The following SEPTIN3 variants were observed in gnomAD, a reference collection of about 807,000 sequenced individuals.
The protein encoded by SEPTIN3 is septin 3, also known as neuronal-specific septin-3.
A neutral mutation model predicts 45.1 loss-of-function variants in SEPTIN3; 15 were observed. The observed-to-expected ratio is 0.33, with a 90% CI of 0.22 to 0.51. The LOEUF (loss-of-function observed/expected upper bound fraction) is 0.51. Among genes scored for constraint, SEPTIN3 ranks in the 20% least tolerant of loss-of-function variants. The probability of loss-of-function intolerance (pLI) is 0.97; values close to 1 mark genes in which losing one functional copy is unlikely to be tolerated. For synonymous variants in SEPTIN3, 148 were observed against 164.8 expected (o/e 0.90, Z 0.78); for missense variants, 289 against 457.2 (o/e 0.63, Z 3.35).
At position 41,992,833 on chromosome 22, in the gene SEPTIN3, A is replaced by G. The variant is rs1211137364; in HGVS notation, c.2359+70A>G. 17 of 1,067,166 alleles carry G rather than the reference A, an allele frequency of 1.6e-5. 1 individual carries two copies. The highest frequency in any genetic ancestry group is 2.4e-5 in the Non-Finnish European group (17 of 701,860). The allele number at this position is 1,067,166 out of a possible 1,614,324, so 66.1% of individuals were successfully genotyped here. On this transcript the variant is annotated intron_variant, in intron 9 of 11. Transcript: ENST00000644076. ...TCCAGTCACCATTTATTAAGCATCTATAGGTCAAGGCACTGTCTCAGGACA... is the reference window on the plus strand; with the variant it reads ...TCCAGTCACCATTTATTAAGCATCTGTAGGTCAAGGCACTGTCTCAGGACA...
chr22:41,974,389 G>T (rs1453636395), intron 2 of SEPTIN3, among the ~76,000 whole-genome samples: 1 of 152,004 alleles, frequency 6.6e-6, no homozygotes, highest in African/African-American at 2.4e-5. Context: ...GCCAGGCCAG[G>T]CGTGGTGGCT....
intron 1 of SEPTIN3, among the ~76,000 whole-genome samples, chr22:41,970,536 G>A (rs1048244513): frequency 6.6e-6 from 1 of 152,094 alleles, no homozygotes; most frequent in Non-Finnish European, 1.5e-5. Context: ...ATCGGAATGG[G>A]TCACATTCCC....
Position 41,976,856 on chromosome 22 carries a change from G to T in SEPTIN3, c.1504+3860G>T, listed in dbSNP as rs2078031978. ...GGACAGGGGCGGCGCGGCGCCGAGCGAGCCGAGGCGAGGTCCCGGGGAGGG... is the reference window on the plus strand; with the variant it reads ...GGACAGGGGCGGCGCGGCGCCGAGCTAGCCGAGGCGAGGTCCCGGGGAGGG... On this transcript the variant is annotated intron_variant, in intron 2 of 11. Transcript: ENST00000644076. This position sits in a 1 kb window ranked among gnomAD's most constrained non-coding sequence, Gnocchi z 5.8. The T allele has an allele frequency of 6.4e-6, 1 of 155,516 alleles. No homozygotes were observed. Among genetic ancestry groups the T allele is most frequent in the Admixed American group, 6.8e-5 (1 of 14,736 alleles). 9.6% of individuals were successfully genotyped at this position (155,516 alleles called of 1,614,324 possible).
chr22:41,976,309 C>T lies in SEPTIN3; in HGVS notation c.1504+3313C>T, dbSNP rs1569436211. ...ACCTTCGAGGGGAGGGATGGTTGTC[C>T]TCACCCCTGTGAGGCAATATGCTGT... On this transcript the variant is annotated intron_variant, in intron 2 of 11. Coordinates refer to ENST00000644076, the MANE Select transcript of SEPTIN3 (RefSeq NM_001363845.2). The surrounding 1 kb of genome is among the most constrained non-coding windows in gnomAD (Gnocchi z 5.8). 1 of 152,166 alleles carries T rather than the reference C, an allele frequency of 6.6e-6. No individual in the cohort carries two copies. The highest frequency in any genetic ancestry group is 1.5e-5 in the Non-Finnish European group (1 of 68,064). 9.4% of individuals were successfully genotyped at this position (152,166 alleles called of 1,614,324 possible). A position where few individuals can be genotyped will look rare whatever the true frequency, so the allele number is the denominator to read the frequency against.
At chr22:41,992,366 C>T (rs544467185) in intron 8 of SEPTIN3, among the ~76,000 whole-genome samples, 9 of 152,230 alleles carry the variant, frequency 5.9e-5, no homozygotes, top group South Asian at 2.1e-4. Flanking sequence ...GCAACAAGAG[C>T]GAACTCTGTC....
chr22:41,989,963 A>G (rs6519301), intron 7 of SEPTIN3, among the ~76,000 whole-genome samples: 64,923 of 151,934 alleles, frequency 0.43, 15,021 homozygotes, highest in East Asian at 0.85. Context: ...TGTGTACATA[A>G]GAAATCACTC....
chr22:41,973,040 G>T, intron 2 of SEPTIN3, 44 bp downstream of exon 2: 1 of 398,626 alleles, frequency 2.5e-6, no homozygotes. Flanking sequence ...GCTGCCGGGA[G>T]GGGGAGGTGT....
chr22:41,990,824 G>A (rs531126978), intron 7 of SEPTIN3, among the ~76,000 whole-genome samples: 1 of 151,738 alleles, frequency 6.6e-6, no homozygotes, highest in African/African-American at 2.4e-5. Context: ...AGCACTTTGG[G>A]AGGCCAAGGC....
intron 6 of SEPTIN3, 130 bp downstream of exon 6, chr22:41,987,889 T>C (rs2078236111): frequency 7.7e-6 from 7 of 908,254 alleles, no homozygotes; most frequent in Non-Finnish European, 1.1e-5. Flanking sequence ...TCCAGCCAGA[T>C]GGGTTGGTAC....
intron 8 of SEPTIN3, 99 bp downstream of exon 8, chr22:41,991,767 C>T (rs1052105535): frequency 6.9e-6 from 6 of 867,938 alleles, no homozygotes; most frequent in African/African-American, 1.6e-5. Flanking sequence ...TTTCTGTACT[C>T]CCCCCAACCT....
intron 9 of SEPTIN3, among the ~76,000 whole-genome samples, chr22:41,993,484 T>C (rs2078358877): frequency 6.6e-6 from 1 of 152,062 alleles, no homozygotes; most frequent in Non-Finnish European, 1.5e-5. Context: ...ACCCCGATTT[T>C]TGTATTTTTT....
At chr22:41,992,575 A>G in intron 8 of SEPTIN3, 89 bp from the exon 9 acceptor site, 1 of 763,582 alleles carries the variant, frequency 1.3e-6, no homozygotes, top group Non-Finnish European at 2.2e-6. Context: ...TCAAGGCTAG[A>G]GGACCATATG....
Position 41,981,703 on chromosome 22 carries a change from T to C in SEPTIN3, c.1563T>C (p.Pro521=). Residue 521 remains proline, a synonymous_variant, in exon 3 of 12, where the codon CCT becomes CCC. Coordinates refer to ENST00000644076, the MANE Select transcript of SEPTIN3 (RefSeq NM_001363845.2). ...AMSELVPEPR[P]KPAVPMKPMS... ...CAGAGCTGGTGCCTGAGCCCAGGCCTAAGCCAGCGGTGCCCATGAAGCCCA... is the reference window on the plus strand; with the variant it reads ...CAGAGCTGGTGCCTGAGCCCAGGCCCAAGCCAGCGGTGCCCATGAAGCCCA... The C allele has an allele frequency of 6.2e-7, 1 of 1,614,012 alleles. No homozygotes were observed. Among genetic ancestry groups the C allele is most frequent in the South Asian group, 1.1e-5 (1 of 91,064 alleles).
rs780575909 is a variant in SEPTIN3 at position 41,992,760 on chromosome 22, G to A, written c.2356G>A (p.Glu786Lys). 2 of 1,601,452 alleles carry A rather than the reference G, an allele frequency of 1.2e-6. No individual in the cohort carries two copies. The highest frequency in any genetic ancestry group is 1.3e-5 in the African/African-American group (1 of 74,726). The change falls in exon 9 of 12, where the codon GAA (glutamate) becomes AAA (lysine). Residue 786 changes from glutamate (E) to lysine (K), a missense_variant. By Grantham distance (56) the Glu-to-Lys change is moderately conservative (BLOSUM62 1). Around this residue, in one of 3 missense-constraint regions of SEPTIN3, gnomAD observed 84 missense variants for 114.7 expected, o/e 0.73. Coordinates refer to ENST00000644076, the MANE Select transcript of SEPTIN3 (RefSeq NM_001363845.2). ...LGRKTPWGII[E>K]VENLNHCEFA... is the part of the protein sequence containing the mutation. ...CCGAAAAACTCCATGGGGGATCATCGAAGGTAATTCACTGCATCTTCTGGA... is the reference window on the plus strand; with the variant it reads ...CCGAAAAACTCCATGGGGGATCATCAAAGGTAATTCACTGCATCTTCTGGA...
Position 41,976,990 on chromosome 22 carries a change from A to C in SEPTIN3, c.1504+3994A>C. On this transcript the variant is annotated intron_variant, in intron 2 of 11. Transcript: ENST00000644076. This position sits in a 1 kb window ranked among gnomAD's most constrained non-coding sequence, Gnocchi z 5.8. The stretch of plus-strand genomic sequence containing the variant: ...TTGCAGGGGCCGCTCGGCCCGGGGA[A>C]GCCCGCGCCCCGCTCAGCCTTGCAG... 6.6e-7 allele frequency: 1 copy of C among 1,508,112 alleles called. No individual in the cohort carries two copies. Among genetic ancestry groups the C allele is most frequent in the Non-Finnish European group, 8.9e-7 (1 of 1,118,420 alleles). 93.4% of individuals were successfully genotyped at this position (1,508,112 alleles called of 1,614,324 possible).
At chr22:41,991,784 A>T in intron 8 of SEPTIN3, 116 bp downstream of exon 8, 1 of 770,440 alleles carries the variant, frequency 1.3e-6, no homozygotes, top group Admixed American at 2.0e-5. Context: ...ACCTTGCCTG[A>T]CCCAGACCAG....
intron 2 of SEPTIN3, among the ~76,000 whole-genome samples, chr22:41,975,570 C>T (rs1035893432): frequency 6.6e-6 from 1 of 152,176 alleles, no homozygotes; most frequent in Non-Finnish European, 1.5e-5. Context: ...GTCTCCCGGG[C>T]ATGTCCAGAG....
Position 41,997,903 on chromosome 22 carries a change from C to T in SEPTIN3, c.*936C>T. 6.5e-6 allele frequency: 1 copy of T among 152,824 alleles called. No individual in the cohort carries two copies. 9.5% of individuals were successfully genotyped at this position (152,824 alleles called of 1,614,324 possible). A position where few individuals can be genotyped will look rare whatever the true frequency, so the allele number is the denominator to read the frequency against. ...CATGAATGTTTGCGAATGTTGACTG[C>T]CACTGCCCCACACACTGTGTCTTTA... On this transcript the variant is annotated 3_prime_UTR_variant, in exon 12 of 12. Coordinates refer to ENST00000644076, the MANE Select transcript of SEPTIN3 (RefSeq NM_001363845.2).
At position 41,997,262 on chromosome 22, in the gene SEPTIN3, T is replaced by C. The variant is rs2078458637; in HGVS notation, c.*295T>C. ...ACTCATCAAGAGCTCCTTCTGCCCT[T>C]GTAAGCCCATCCCAGCTACTTGTAA... On this transcript the variant is annotated 3_prime_UTR_variant, in exon 12 of 12. Coordinates refer to ENST00000644076, the MANE Select transcript of SEPTIN3 (RefSeq NM_001363845.2). 5 of 420,822 alleles carry C rather than the reference T, an allele frequency of 1.2e-5. No individual in the cohort carries two copies. Among genetic ancestry groups the C allele is most frequent in the Middle Eastern group, 6.3e-4 (1 of 1,582 alleles). 26.1% of individuals were successfully genotyped at this position (420,822 alleles called of 1,614,324 possible).
Sources: gnomAD v4.1 joint callset for allele counts (sites outside exome capture counted in the v4.1 genomes callset) on GRCh38, gnomAD v4.1.1 for gene constraint, gnomAD v4.1.1 regional missense constraint, Gnocchi (gnomAD v3.1) non-coding constraint, MANE v1.5 for transcripts, NCBI Gene and HGNC (gene_info 2026-07-23, HGNC 2026-07-21) for gene names.